DTL: variants seen among roughly 807,000 people sequenced by gnomAD.
The protein encoded by DTL is denticleless E3 ubiquitin protein ligase adapter.
Under a neutral mutation model 87.0 loss-of-function variants are expected in DTL, and 46 were observed. The observed-to-expected ratio is 0.53, with a 90% CI of 0.42 to 0.68. The LOEUF (loss-of-function observed/expected upper bound fraction) is 0.68. DTL is among the 30% of genes least tolerant of loss of function. DTL has a pLI of 0.00. For missense variants in DTL, 737 were observed against 869.4 expected (o/e 0.85, Z 1.91); for synonymous variants, 308 against 311.2 (o/e 0.99, Z 0.11).
At chr1:212,098,610 T>TAACAGGCCAATGGAGTTAC (rs1288612680) in intron 13 of DTL, among the ~76,000 whole-genome samples, 35 of 151,974 alleles carry the variant, frequency 2.3e-4, no homozygotes, top group Non-Finnish European at 4.3e-4. Flanking sequence ...GAGTGGTGGT[T>TAACAGGCCAATGGAGTTAC]AACAGGCCAA....
chr1:212,063,600 A>G (rs1571956779), intron 6 of DTL, among the ~76,000 whole-genome samples: 1 of 152,146 alleles, frequency 6.6e-6, no homozygotes, highest in Admixed American at 6.5e-5. Flanking sequence ...CTGATTTTAA[A>G]GAATTAGATT....
intron 13 of DTL, among the ~76,000 whole-genome samples, chr1:212,087,320 G>A (rs1211848700): frequency 6.6e-6 from 1 of 152,112 alleles, no homozygotes. Context: ...GAGGCCGAGT[G>A]GGTGGATCAC....
In DTL at chr1:212,073,246, G is replaced by A. The variant is rs148249703; in HGVS notation, c.1035+1033G>A. ...AATAATTAATTATGGAAATGTTCTGGGAATTCAGAGAATGATCATTAAGGC... is the reference window on the plus strand; with the variant it reads ...AATAATTAATTATGGAAATGTTCTGAGAATTCAGAGAATGATCATTAAGGC... On this transcript the variant is annotated intron_variant, in intron 11 of 14. Transcript: ENST00000366991. 5.3e-5 allele frequency among the ~76,000 whole-genome samples: 8 copies of A among 152,078 alleles called. No homozygotes were observed. In the East Asian group the frequency reaches 1.5e-3, roughly 29 times the overall value.
In DTL at chr1:212,103,110, G is replaced by T; in HGVS notation, c.*170G>T. ...TCAACGCTGAAATGTACCTAATCTG[G>T]TTCTACTACCATAATGTATATGCAG... On this transcript the variant is annotated 3_prime_UTR_variant, in exon 15 of 15. Coordinates refer to ENST00000366991, the MANE Select transcript of DTL (RefSeq NM_016448.4). 1 of 465,294 alleles carries T rather than the reference G, an allele frequency of 2.1e-6. No individual in the cohort carries two copies. Among genetic ancestry groups the T allele is most frequent in the Admixed American group, 4.0e-5 (1 of 25,270 alleles). 28.8% of individuals were successfully genotyped at this position (465,294 alleles called of 1,614,324 possible).
In DTL at chr1:212,043,077, C is replaced by G; in HGVS notation, c.137C>G (p.Thr46Arg). The change falls in exon 2 of 15, where the codon ACA becomes AGA. Residue 46 changes from threonine to arginine, a missense_variant. Coordinates refer to ENST00000366991, the MANE Select transcript of DTL (RefSeq NM_016448.4). ...GNDEHTSYGE[T>R]GVPVPPFGCT... Reference sequence around the variant, plus strand: ...GATGAACACACTTCTTATGGAGAAACAGGAGTCCCAGTTCCTCCTTTTGGA... The same window carrying G: ...GATGAACACACTTCTTATGGAGAAAGAGGAGTCCCAGTTCCTCCTTTTGGA... The G allele has an allele frequency of 6.2e-7, 1 of 1,613,206 alleles. No individual in the cohort carries two copies.
In DTL at chr1:212,064,993, G is replaced by A; in HGVS notation, c.603G>A (p.Lys201=). The change falls in exon 7 of 15, where the codon AAG becomes AAA. Residue 201 remains lysine, a synonymous_variant. Coordinates refer to ENST00000366991, the MANE Select transcript of DTL (RefSeq NM_016448.4). Reference sequence around the variant, plus strand: ...ACAAGCAAACCCCTTCAAAACCCAAGAAGAAACAGAATTCAAAAGGACTTG... The same window carrying A: ...ACAAGCAAACCCCTTCAAAACCCAAAAAGAAACAGAATTCAAAAGGACTTG... The part of the protein sequence containing the change: ...TSDKQTPSKP[K]KKQNSKGLAP... The A allele has an allele frequency of 6.2e-7, 1 of 1,614,066 alleles. No homozygotes were observed. The highest frequency in any genetic ancestry group is 8.5e-7 in the Non-Finnish European group (1 of 1,179,976).
intron 7 of DTL, among the ~76,000 whole-genome samples, chr1:212,065,458 G>T (rs989377675): frequency 1.3e-5 from 2 of 151,852 alleles, no homozygotes; most frequent in Non-Finnish European, 1.5e-5. Context: ...AATTGAGATA[G>T]CCATCACTTC....
chr1:212,052,872 C>T (rs972299403), intron 5 of DTL, among the ~76,000 whole-genome samples: 2 of 151,920 alleles, frequency 1.3e-5, no homozygotes, highest in Admixed American at 6.6e-5. Context: ...TTAAAGTACA[C>T]GGTTTAGTGG....
intron 5 of DTL, among the ~76,000 whole-genome samples, chr1:212,056,108 C>T (rs4396170): frequency 1.3e-5 from 2 of 152,212 alleles, no homozygotes; most frequent in Admixed American, 1.3e-4. Context: ...TCCACACCTC[C>T]TGCCCAGGGG....
At chr1:212,089,147 G>C (rs943593427) in intron 13 of DTL, among the ~76,000 whole-genome samples, 1 of 152,168 alleles carries the variant, frequency 6.6e-6, no homozygotes, top group Non-Finnish European at 1.5e-5. Context: ...CGAAGGAACT[G>C]ACTTTAGGAA....
chr1:212,069,805 A>G (rs1229200506), intron 10 of DTL, among the ~76,000 whole-genome samples: 2 of 152,066 alleles, frequency 1.3e-5, no homozygotes, highest in African/African-American at 4.8e-5. Flanking sequence ...CAGCCTCCCA[A>G]AGTGCTGGGA....
At chr1:212,096,052 T>A (rs1026949747) in intron 13 of DTL, among the ~76,000 whole-genome samples, 1 of 151,646 alleles carries the variant, frequency 6.6e-6, no homozygotes, top group African/African-American at 2.4e-5. Flanking sequence ...TAAGTGCTTG[T>A]TATTGGTCTG....
chr1:212,085,569 G>T (rs1031961840), intron 13 of DTL, among the ~76,000 whole-genome samples: 10 of 152,286 alleles, frequency 6.6e-5, no homozygotes, highest in Admixed American at 4.6e-4. Context: ...GTAATGATTT[G>T]CAATGATTTA....
Position 212,078,164 on chromosome 1 carries a change from T to C in DTL, c.1036-9T>C, listed in dbSNP as rs780108407. On this transcript the variant is annotated splice_polypyrimidine_tract_variant and intron_variant, in intron 11 of 14. Coordinates refer to ENST00000366991, the MANE Select transcript of DTL (RefSeq NM_016448.4). ...GCTTTGCTGACTTGTTTGTTTTTGA[T>C]TGGACTAGGTCTCCACACCCTGGCA... The C allele has an allele frequency of 3.2e-6, 5 of 1,563,688 alleles. No individual in the cohort carries two copies. The highest frequency in any genetic ancestry group is 2.2e-5 in the East Asian group (1 of 44,586).
intron 7 of DTL, among the ~76,000 whole-genome samples, chr1:212,066,242 G>T (rs1044775671): frequency 6.6e-6 from 1 of 151,888 alleles, no homozygotes; most frequent in Non-Finnish European, 1.5e-5. Context: ...ACTATACACC[G>T]TGAACAGGAC....
intron 13 of DTL, among the ~76,000 whole-genome samples, chr1:212,091,891 A>G (rs1285866982): frequency 6.6e-6 from 1 of 152,266 alleles, no homozygotes; most frequent in Non-Finnish European, 1.5e-5. Context: ...ATCACATTAT[A>G]GCCTATATAC....
chr1:212,085,409 A>G (rs1319747369), intron 13 of DTL, among the ~76,000 whole-genome samples: 1 of 152,186 alleles, frequency 6.6e-6, no homozygotes, highest in African/African-American at 2.4e-5. Flanking sequence ...GATGCTGAAC[A>G]TCTTTTCATG....
chr1:212,050,939 T>C (rs1166153737), intron 5 of DTL, among the ~76,000 whole-genome samples: 1 of 152,154 alleles, frequency 6.6e-6, no homozygotes, highest in African/African-American at 2.4e-5. Flanking sequence ...TGTTACACTT[T>C]TGGTCTTTTA....
At chr1:212,097,562 A>G (rs1655487189) in intron 13 of DTL, among the ~76,000 whole-genome samples, 1 of 152,098 alleles carries the variant, frequency 6.6e-6, no homozygotes. Flanking sequence ...TTTCATTTCC[A>G]GAAGTCATGA....
Sources: allele counts gnomAD v4.1 joint callset (sites outside exome capture counted in the v4.1 genomes callset), GRCh38; gene constraint gnomAD v4.1.1; transcripts MANE v1.5; gene names NCBI Gene and HGNC (gene_info 2026-07-23, HGNC 2026-07-21).